Variants in PDE8A observed in about 807,000 individuals in gnomAD.
The protein encoded by PDE8A is high affinity cAMP-specific and IBMX-insensitive 3',5'-cyclic phosphodiesterase 8A.
Under a neutral mutation model 105.0 loss-of-function variants are expected in PDE8A, and 59 were observed. The observed-to-expected ratio is 0.56, with a 90% CI of 0.46 to 0.70. PDE8A has a LOEUF of 0.70. Among genes scored for constraint, PDE8A ranks in the 30% least tolerant of loss-of-function variants. PDE8A has a pLI of 0.00. For synonymous variants in PDE8A, 355 were observed against 371.9 expected (o/e 0.95, Z 0.52); for missense variants, 1,014 against 1,045.9 (o/e 0.97, Z 0.42).
chr15:85,076,815 G>C, intron 5 of PDE8A, 28 bp downstream of exon 5: 1 of 1,318,054 alleles, frequency 7.6e-7, no homozygotes, highest in Non-Finnish European at 1.1e-6. Context: ...TGTTATACAA[G>C]TATAATTCAA....
chr15:85,124,457 T>A (rs1056534244), intron 19 of PDE8A, among the ~76,000 whole-genome samples: 2 of 152,158 alleles, frequency 1.3e-5, no homozygotes, highest in African/African-American at 2.4e-5. Flanking sequence ...CCAGCTCCTA[T>A]CACCATCCTG....
At chr15:85,044,373 A>G (rs984577412) in intron 1 of PDE8A, among the ~76,000 whole-genome samples, 5 of 151,952 alleles carry the variant, frequency 3.3e-5, no homozygotes, top group Non-Finnish European at 5.9e-5. Context: ...GAAAGAGACT[A>G]TGACAGTGGG....
rs184256596 is a variant in PDE8A at position 85,132,996 on chromosome 15, T to C, written c.2254-3538T>C. 1.1e-3 allele frequency among the ~76,000 whole-genome samples: 166 copies of C among 152,354 alleles called. 1 individual carries two copies. The highest frequency in any genetic ancestry group is 3.9e-3 in the African/African-American group (161 of 41,576). On this transcript the variant is annotated intron_variant, in intron 20 of 21. Transcript: ENST00000394553. ...GTTTCTTTGTATGCCTTGTGATTTTTGTTGAAAATTAGGCATTTTAAAAAA... is the reference window on the plus strand; with the variant it reads ...GTTTCTTTGTATGCCTTGTGATTTTCGTTGAAAATTAGGCATTTTAAAAAA...
At chr15:85,113,234 G>A in intron 12 of PDE8A, 143 bp from the exon 13 acceptor site, 1 of 722,962 alleles carries the variant, frequency 1.4e-6, no homozygotes, top group African/African-American at 1.7e-5. Context: ...AGAACCCCAG[G>A]CTTGTTAGGA....
At chr15:85,121,873 A>G (rs1480838665) in intron 18 of PDE8A, among the ~76,000 whole-genome samples, 1 of 152,206 alleles carries the variant, frequency 6.6e-6, no homozygotes, top group Non-Finnish European at 1.5e-5. Flanking sequence ...ATGGAATCAT[A>G]CACAATATGT....
intron 1 of PDE8A, among the ~76,000 whole-genome samples, chr15:85,006,345 A>T (rs2080147236): frequency 6.6e-6 from 1 of 152,148 alleles, no homozygotes; most frequent in Non-Finnish European, 1.5e-5. Context: ...TGCCATCATA[A>T]ATGTGGTGGT....
intron 1 of PDE8A, among the ~76,000 whole-genome samples, chr15:85,045,432 G>A (rs1596469488): frequency 1.3e-5 from 2 of 152,270 alleles, no homozygotes; most frequent in Non-Finnish European, 2.9e-5. Context: ...GACAGAACTG[G>A]GTCCCATTCC....
At chr15:85,050,479 A>G (rs975934529) in intron 1 of PDE8A, among the ~76,000 whole-genome samples, 3 of 152,198 alleles carry the variant, frequency 2.0e-5, no homozygotes, top group Non-Finnish European at 2.9e-5. Context: ...TCCATTTTGA[A>G]TAAATTTTTT....
intron 19 of PDE8A, 127 bp downstream of exon 19, chr15:85,123,320 G>C: frequency 2.5e-6 from 1 of 398,238 alleles, no homozygotes; most frequent in Admixed American, 3.3e-5. Context: ...ACTCTTACAG[G>C]GACAGAACTA....
chr15:85,020,198 T>C (rs189636955), intron 1 of PDE8A, among the ~76,000 whole-genome samples: 1 of 152,288 alleles, frequency 6.6e-6, no homozygotes, highest in Admixed American at 6.5e-5. Flanking sequence ...TCTGTGTTTA[T>C]TTTTTATGTG....
intron 20 of PDE8A, among the ~76,000 whole-genome samples, chr15:85,126,803 C>T (rs956030993): frequency 4.6e-5 from 7 of 152,116 alleles, no homozygotes; most frequent in African/African-American, 1.7e-4. Flanking sequence ...TCAGATGTGT[C>T]ATAGTCAAGC....
chr15:85,078,666 G>C (rs1384568906), intron 5 of PDE8A, among the ~76,000 whole-genome samples: 1 of 151,956 alleles, frequency 6.6e-6, no homozygotes, highest in Non-Finnish European at 1.5e-5. Context: ...TGTGGACATT[G>C]AGAGAATTTG....
intron 1 of PDE8A, among the ~76,000 whole-genome samples, chr15:84,996,584 G>C (rs1017580750): frequency 6.6e-6 from 1 of 152,002 alleles, no homozygotes; most frequent in Non-Finnish European, 1.5e-5. Context: ...CAGCACTTTG[G>C]GCGGCTGAGG....
chr15:84,984,381 T>C (rs1368332202), intron 1 of PDE8A, among the ~76,000 whole-genome samples: 2 of 152,236 alleles, frequency 1.3e-5, no homozygotes, highest in African/African-American at 2.4e-5. Flanking sequence ...TTTTAAGATA[T>C]TAACTATGCT....
rs1222636589 is a variant in PDE8A at position 85,109,113 on chromosome 15, C to T, written c.1097C>T (p.Ala366Val). 2 of 1,609,996 alleles carry T rather than the reference C, an allele frequency of 1.2e-6. No homozygotes were observed. Among genetic ancestry groups the T allele is most frequent in the East Asian group, 2.2e-5 (1 of 44,860 alleles). ...RKGSLDVKAV[A>V]SRATEVSSQR... Reference sequence around the variant, plus strand: ...GGCTCACTAGACGTCAAAGCTGTTGCCTCCCGTGCAACTGAAGGTGAGTGA... The same window carrying T: ...GGCTCACTAGACGTCAAAGCTGTTGTCTCCCGTGCAACTGAAGGTGAGTGA... Residue 366 changes from alanine (A) to valine (V), a missense_variant, in exon 12 of 22, where the codon GCC becomes GTC. Physicochemically the swap from Ala to Val is moderately conservative, Grantham distance 64. Transcript: ENST00000394553.
rs937245417 is a variant in PDE8A at position 84,987,502 on chromosome 15, G to A, written c.186+5154G>A. Reference sequence around the variant, plus strand: ...TTTTTTTTTTTAAAGACAGTTTTTTGCTCTTGTTGCCCAGGCTGGAGTGTA... The same window carrying A: ...TTTTTTTTTTTAAAGACAGTTTTTTACTCTTGTTGCCCAGGCTGGAGTGTA... On this transcript the variant is annotated intron_variant, in intron 1 of 21. Coordinates refer to ENST00000394553, the MANE Select transcript of PDE8A (RefSeq NM_002605.3). 2.2e-4 allele frequency among the ~76,000 whole-genome samples: 11 copies of A among 49,200 alleles called. 2 individuals are homozygous for A. In the South Asian group the frequency reaches 6.3e-3, roughly 28 times the overall value. The allele number at this position is 49,200 out of a possible 152,430, so 32.3% of individuals were successfully genotyped here.
intron 1 of PDE8A, among the ~76,000 whole-genome samples, chr15:85,039,343 T>A (rs1351098860): frequency 6.6e-6 from 1 of 151,722 alleles, no homozygotes; most frequent in Non-Finnish European, 1.5e-5. Context: ...GTGGGAGGAT[T>A]GCTTGAGCCC....
At chr15:85,127,851 G>A (rs530923129) in intron 20 of PDE8A, among the ~76,000 whole-genome samples, 1 of 152,002 alleles carries the variant, frequency 6.6e-6, no homozygotes, top group Non-Finnish European at 1.5e-5. Context: ...AATAAGCAAA[G>A]CAAACTTTAA....
chr15:85,095,392 G>A (rs1444510923), intron 8 of PDE8A, among the ~76,000 whole-genome samples: 1 of 152,124 alleles, frequency 6.6e-6, no homozygotes, highest in East Asian at 1.9e-4. Flanking sequence ...TGCCCAGGCT[G>A]GAGTGCAGTG....
Sources: gnomAD v4.1 joint callset for allele counts (sites outside exome capture counted in the v4.1 genomes callset) on GRCh38, gnomAD v4.1.1 for gene constraint, MANE v1.5 for transcripts, NCBI Gene and HGNC (gene_info 2026-07-23, HGNC 2026-07-21) for gene names.